PIEZO1: variants seen among roughly 807,000 people sequenced by gnomAD.
PIEZO1 encodes the protein piezo-type mechanosensitive ion channel component 1.
Under a neutral mutation model 297.2 loss-of-function variants are expected in PIEZO1, and 296 were observed. That is an observed-to-expected ratio of 1.00 (90% CI 0.91 to 1.10). The LOEUF is 1.10. PIEZO1 is among the 50% of genes least tolerant of loss of function. The probability of loss-of-function intolerance (pLI) is 0.00; values close to 1 mark genes in which losing one functional copy is unlikely to be tolerated. For missense variants in PIEZO1, 5,018 were observed against 3,455.5 expected, an observed-to-expected ratio of 1.45 and a Z score of -11.34; for synonymous variants, 2,427 against 1,507.5, an observed-to-expected ratio of 1.61 and a Z score of -14.13.
At chr16:88,778,725 G>C (rs977069210) in intron 1 of PIEZO1, among the ~76,000 whole-genome samples, 1 of 152,188 alleles carries the variant, frequency 6.6e-6, no homozygotes, top group African/African-American at 2.4e-5. Flanking sequence ...GTCCACCGTG[G>C]AGAAACATGA....
intron 1 of PIEZO1, among the ~76,000 whole-genome samples, chr16:88,775,400 C>G (rs1043613264): frequency 6.6e-6 from 1 of 152,230 alleles, no homozygotes; most frequent in Non-Finnish European, 1.5e-5. Flanking sequence ...CAAGAGTGTC[C>G]GGGCTTCATC....
In PIEZO1 at chr16:88,723,209, C is replaced by T; in HGVS notation, c.4438+17G>A. The T allele has an allele frequency of 6.5e-7, 1 of 1,548,636 alleles. No homozygotes were observed. Among genetic ancestry groups the T allele is most frequent in the Non-Finnish European group, 8.7e-7 (1 of 1,146,832 alleles). ...TCCCGCGGCTTCCCCTCAGAGTCCCCACGCCCCCCAGCTCACCTGTGGGTA... is the reference window on the plus strand; with the variant it reads ...TCCCGCGGCTTCCCCTCAGAGTCCCTACGCCCCCCAGCTCACCTGTGGGTA... On this transcript the variant is annotated intron_variant, in intron 32 of 50. Transcript: ENST00000301015.
chr16:88,752,155 C>T (rs1324525681), intron 1 of PIEZO1, among the ~76,000 whole-genome samples: 1 of 152,198 alleles, frequency 6.6e-6, no homozygotes, highest in Non-Finnish European at 1.5e-5. Context: ...ACATGCTTAC[C>T]GCTGCTGACC....
chr16:88,778,753 G>A (rs1237831458), intron 1 of PIEZO1, among the ~76,000 whole-genome samples: 1 of 152,182 alleles, frequency 6.6e-6, no homozygotes, highest in African/African-American at 2.4e-5. Flanking sequence ...CAAAAATACG[G>A]CCTGCGGTGG....
Position 88,726,975 on chromosome 16 carries a change from T to G in PIEZO1, c.3456-17A>C. ...AGGTAGGACCTGCCAGGCCGGAGCGTCAGGGCGGGCGCCCCGGCCACCCCT... is the reference window on the plus strand; with the variant it reads ...AGGTAGGACCTGCCAGGCCGGAGCGGCAGGGCGGGCGCCCCGGCCACCCCT... On this transcript the variant is annotated splice_polypyrimidine_tract_variant and intron_variant, in intron 24 of 50. Transcript: ENST00000301015. 6.5e-7 allele frequency: 1 copy of G among 1,549,766 alleles called. No individual in the cohort carries two copies. The highest frequency in any genetic ancestry group is 8.7e-7 in the Non-Finnish European group (1 of 1,146,496).
Position 88,721,891 on chromosome 16 carries a change from G to C in PIEZO1, c.5131C>G (p.Pro1711Ala), listed in dbSNP as rs1156250205. ...VTASAGSLVL[P>A]VLVFLWAMLS... The stretch of plus-strand genomic sequence containing the variant: ...ATGGCCCACAGGAAGACGAGCACGG[G>C]CAGCACCAGCGAGCCGGCGGAGGCC... The change falls in exon 37 of 51, where the codon CCC becomes GCC. Residue 1711 changes from proline (P) to alanine (A), a missense_variant. By Grantham distance (27) the Pro-to-Ala change is conservative. Coordinates refer to ENST00000301015, the MANE Select transcript of PIEZO1 (RefSeq NM_001142864.4). 3 of 1,549,970 alleles carry C rather than the reference G, an allele frequency of 1.9e-6. No homozygotes were observed. In the African/African-American group the frequency reaches 4.1e-5, roughly 21 times the overall value.
At chr16:88,753,642 A>AAGAGT (rs1179193503) in intron 1 of PIEZO1, among the ~76,000 whole-genome samples, 18 of 152,170 alleles carry the variant, frequency 1.2e-4, no homozygotes, top group African/African-American at 4.3e-4. Flanking sequence ...GTCAGGACCC[A>AAGAGT]GGTCCGGGCA....
intron 1 of PIEZO1, among the ~76,000 whole-genome samples, chr16:88,751,462 G>A (rs1407733262): frequency 1.3e-5 from 2 of 152,176 alleles, no homozygotes; most frequent in Admixed American, 6.5e-5. Flanking sequence ...GCGCTGCTAC[G>A]GGCTCAAGGC....
chr16:88,737,974 G>T lies in PIEZO1; in HGVS notation c.980C>A (p.Ala327Asp). The T allele has an allele frequency of 6.5e-7, 1 of 1,534,286 alleles. No homozygotes were observed. The highest frequency in any genetic ancestry group is 8.7e-7 in the Non-Finnish European group (1 of 1,145,962). Reference protein sequence around the residue: ...GVLLLLCYATASLRKLRAYRP... With the variant: ...GVLLLLCYATDSLRKLRAYRP... ...GTACGCGCGGAGCTTGCGCAGAGAG[G>T]CCGTGGCGTAGCACAGCAGCAGGAG... The change falls in exon 8 of 51, where the codon GCC (alanine) becomes GAC (aspartate). Residue 327 changes from alanine (A) to aspartate (D), a missense_variant. Coordinates refer to ENST00000301015, the MANE Select transcript of PIEZO1 (RefSeq NM_001142864.4).
chr16:88,736,381 G>C lies in PIEZO1; in HGVS notation c.1324C>G (p.Leu442Val). ...GCCCAGAGCAGCAGTACGAAGGTCA[G>C]CCAGCTGTGGTAGGTGATGCTCCAT... ...MVWSITYHSW[L>V]TFVLLLWACL... Residue 442 changes from leucine to valine, a missense_variant, in exon 12 of 51, where the codon CTG becomes GTG. Physicochemically the swap from Leu to Val is conservative, Grantham distance 32. Coordinates refer to ENST00000301015, the MANE Select transcript of PIEZO1 (RefSeq NM_001142864.4). 1 of 1,549,460 alleles carries C rather than the reference G, an allele frequency of 6.5e-7. No individual in the cohort carries two copies. The highest frequency in any genetic ancestry group is 8.7e-7 in the Non-Finnish European group (1 of 1,146,714).
rs1428453895 is a variant in PIEZO1, at chr16:88,727,648, G to A, written c.3210C>T (p.Arg1070=). The A allele has an allele frequency of 2.7e-6, 4 of 1,479,112 alleles. No individual in the cohort carries two copies. Among genetic ancestry groups the A allele is most frequent in the East Asian group, 2.6e-5 (1 of 38,646 alleles). 91.6% of individuals were successfully genotyped at this position (1,479,112 alleles called of 1,614,324 possible). The change falls in exon 23 of 51, where the codon CGC becomes CGT. Residue 1070 remains arginine (R), a synonymous_variant. Transcript: ENST00000301015. ...AGTTCATGGGGACGGCCCGGCTCCAGCGCCAGGGATAATCTGGGGGAAGGG... is the reference window on the plus strand; with the variant it reads ...AGTTCATGGGGACGGCCCGGCTCCAACGCCAGGGATAATCTGGGGGAAGGG... ...PPALCIDYPW[R]WSRAVPMNSA...
intron 2 of PIEZO1, chr16:88,745,837 G>A (rs964706606): frequency 2.0e-5 from 3 of 152,132 alleles, no homozygotes; most frequent in Admixed American, 1.3e-4. Context: ...GAGGCCCCAG[G>A]GTATTGCAGA....
In PIEZO1 at chr16:88,715,976, C is replaced by G. The variant is rs1413530307; in HGVS notation, c.7273G>C (p.Asp2425His). The change falls in exon 50 of 51, where the codon GAC becomes CAC. Residue 2425 changes from aspartate to histidine, a missense_variant. By Grantham distance (81) the Asp-to-His change is moderately conservative (BLOSUM62 -1). Coordinates refer to ENST00000301015, the MANE Select transcript of PIEZO1 (RefSeq NM_001142864.4). ...CCGAGGCTCGGTGGGCTGACCTTGTCACTGAAAATGACCATGGGCAGCAGG... is the reference window on the plus strand; with the variant it reads ...CCGAGGCTCGGTGGGCTGACCTTGTGACTGAAAATGACCATGGGCAGCAGG... ...CNLLPMVIFSDKVSPPSLGFL... is the reference protein window; with the variant it reads ...CNLLPMVIFSHKVSPPSLGFL... 6.5e-7 allele frequency: 1 copy of G among 1,549,966 alleles called. No individual in the cohort carries two copies. The highest frequency in any genetic ancestry group is 1.4e-5 in the African/African-American group (1 of 73,020).
At chr16:88,763,942 C>CG (rs1486757165) in intron 1 of PIEZO1, among the ~76,000 whole-genome samples, 1 of 152,162 alleles carries the variant, frequency 6.6e-6, no homozygotes, top group African/African-American at 2.4e-5. Context: ...CACACAGGGT[C>CG]GGCACGCAGG....
At chr16:88,752,935 G>C in intron 1 of PIEZO1, among the ~76,000 whole-genome samples, 1 of 151,872 alleles carries the variant, frequency 6.6e-6, no homozygotes, top group East Asian at 1.9e-4. Context: ...GGCCCCACCA[G>C]GCAGCGGGCT....
At chr16:88,732,574 C>G (rs1323327582) in intron 20 of PIEZO1, 33 bp downstream of exon 20, 1 of 1,543,194 alleles carries the variant, frequency 6.5e-7, no homozygotes, top group South Asian at 1.2e-5. Context: ...CGGGTACTCG[C>G]CCGCCCAGCC....
intron 41 of PIEZO1, 23 bp from the exon 42 acceptor site, chr16:88,720,306 C>G (rs1567660096): frequency 6.5e-7 from 1 of 1,550,106 alleles, no homozygotes; most frequent in Admixed American, 2.0e-5. Context: ...GAGCACAGGT[C>G]AGGGGGAGCC....
Position 88,715,801 on chromosome 16 carries a change from C to T in PIEZO1, c.7370G>A (p.Gly2457Glu). The T allele has an allele frequency of 6.5e-7, 1 of 1,550,334 alleles. No homozygotes were observed. The stretch of plus-strand genomic sequence containing the variant: ...GGAGTGCGAGATCTCGCTGAAGAAT[C>T]CGCGCACGAACTTGCCGATGACCAG... Reference protein sequence around the residue: ...IVLVIGKFVRGFFSEISHSIM... With the variant: ...IVLVIGKFVREFFSEISHSIM... Residue 2457 changes from glycine (G) to glutamate (E), a missense_variant, in exon 51 of 51, where the codon GGA becomes GAA. Gly to Glu is a moderately conservative substitution (Grantham distance 98). Transcript: ENST00000301015.
chr16:88,722,156 C>A, intron 36 of PIEZO1, 62 bp downstream of exon 36: 1 of 1,523,162 alleles, frequency 6.6e-7, no homozygotes. Flanking sequence ...AGTCTCCTGC[C>A]CCTGTTCGGC....
Sources: allele counts gnomAD v4.1 joint callset (sites outside exome capture counted in the v4.1 genomes callset), GRCh38; gene constraint gnomAD v4.1.1; transcripts MANE v1.5; gene names NCBI Gene and HGNC (gene_info 2026-07-23, HGNC 2026-07-21).